HS6ST3: variants seen among roughly 807,000 people sequenced by gnomAD.
The protein encoded by HS6ST3 is heparan-sulfate 6-O-sulfotransferase 3.
Under a neutral mutation model 36.7 loss-of-function variants are expected in HS6ST3, and 12 were observed. The observed-to-expected ratio is 0.33, with a 90% CI of 0.21 to 0.53. The LOEUF (loss-of-function observed/expected upper bound fraction) is 0.53. HS6ST3 is among the 20% of genes least tolerant of loss of function. HS6ST3 has a pLI of 0.95. For synonymous variants in HS6ST3, 240 were observed against 257.5 expected (o/e 0.93, Z 0.65); for missense variants, 584 against 640.9 (o/e 0.91, Z 0.96).
intron 1 of HS6ST3, among the ~76,000 whole-genome samples, chr13:96,156,458 T>C (rs1231824716): frequency 6.6e-6 from 1 of 152,144 alleles, no homozygotes; most frequent in Non-Finnish European, 1.5e-5. Context: ...AAAGCATATG[T>C]TTAAGAAGAC....
At chr13:96,780,750 T>G (rs937414311) in intron 1 of HS6ST3, among the ~76,000 whole-genome samples, 12 of 152,082 alleles carry the variant, frequency 7.9e-5, no homozygotes, top group Admixed American at 2.0e-4. Flanking sequence ...TATATGTGTA[T>G]AGCAGGCAGA....
At chr13:96,485,502 A>G (rs999697974) in intron 1 of HS6ST3, among the ~76,000 whole-genome samples, 1 of 152,148 alleles carries the variant, frequency 6.6e-6, no homozygotes, top group Non-Finnish European at 1.5e-5. Context: ...TAGAATTTTC[A>G]TCATAGATAA....
chr13:96,222,013 A>C (rs1474919950), intron 1 of HS6ST3, among the ~76,000 whole-genome samples: 2 of 152,240 alleles, frequency 1.3e-5, no homozygotes, highest in Non-Finnish European at 2.9e-5. Context: ...GCTGAACTAT[A>C]AACTGTAGCA....
intron 1 of HS6ST3, among the ~76,000 whole-genome samples, chr13:96,635,600 A>G (rs879700886): frequency 1.3e-5 from 2 of 152,108 alleles, no homozygotes; most frequent in Non-Finnish European, 2.9e-5. Flanking sequence ...ATAACCTCCA[A>G]TCACATTGTA....
intron 1 of HS6ST3, among the ~76,000 whole-genome samples, chr13:96,304,927 T>A (rs1594748353): frequency 6.6e-6 from 1 of 151,768 alleles, no homozygotes; most frequent in Non-Finnish European, 1.5e-5. Context: ...GCCAGGCTGG[T>A]CTCGAACTTA....
intron 1 of HS6ST3, among the ~76,000 whole-genome samples, chr13:96,433,524 G>A (rs2055626512): frequency 6.6e-6 from 1 of 152,196 alleles, no homozygotes; most frequent in Admixed American, 6.5e-5. Flanking sequence ...CACTAAATGA[G>A]AGTTCTTCTG....
At chr13:96,488,247 C>T (rs1475232294) in intron 1 of HS6ST3, among the ~76,000 whole-genome samples, 1 of 152,044 alleles carries the variant, frequency 6.6e-6, no homozygotes, top group African/African-American at 2.4e-5. Flanking sequence ...TTTATATTTT[C>T]TCCTGTGTTC....
chr13:96,306,736 C>CT, intron 1 of HS6ST3, among the ~76,000 whole-genome samples: 1 of 152,222 alleles, frequency 6.6e-6, no homozygotes, highest in Admixed American at 6.5e-5. Flanking sequence ...TTGATAGCTT[C>CT]TTTTTGTGTT....
At chr13:96,212,969 T>C (rs1333946081) in intron 1 of HS6ST3, among the ~76,000 whole-genome samples, 1 of 152,226 alleles carries the variant, frequency 6.6e-6, no homozygotes, top group Non-Finnish European at 1.5e-5. Flanking sequence ...ATTTATTAAC[T>C]TGTAATGCTA....
intron 1 of HS6ST3, among the ~76,000 whole-genome samples, chr13:96,765,588 TTCTCTCTCTCTCTC>T (rs58979172): frequency 0.012 from 1,699 of 142,686 alleles, 32 homozygotes; most frequent in African/African-American, 0.036. Context: ...CTCTCTCTCT[TTCTCTCTCTCTCTC>T]TCTCTCTCTC....
intron 1 of HS6ST3, among the ~76,000 whole-genome samples, chr13:96,356,096 C>CATATG (rs1014203372): frequency 1.3e-5 from 2 of 152,136 alleles, no homozygotes; most frequent in Non-Finnish European, 2.9e-5. Context: ...GAACTCATTT[C>CATATG]ATATGATATG....
intron 1 of HS6ST3, among the ~76,000 whole-genome samples, chr13:96,380,856 G>GT (rs1372930069): frequency 6.6e-6 from 1 of 152,100 alleles, no homozygotes; most frequent in Non-Finnish European, 1.5e-5. Flanking sequence ...AAAGAAATGC[G>GT]TAAGACCTGA....
intron 1 of HS6ST3, among the ~76,000 whole-genome samples, chr13:96,114,346 C>T (rs1210814294): frequency 1.3e-5 from 2 of 152,028 alleles, no homozygotes; most frequent in African/African-American, 4.8e-5. Context: ...GATGGGATAT[C>T]GCTGTGTTGC....
intron 1 of HS6ST3, among the ~76,000 whole-genome samples, chr13:96,662,526 GTGT>G (rs775517340): frequency 1.5e-5 from 2 of 137,476 alleles, no homozygotes; most frequent in Non-Finnish European, 3.4e-5. Context: ...GTGTGTGTGT[GTGT>G]GTGTGTGTGT....
At chr13:96,152,361 G>A (rs1339524857) in intron 1 of HS6ST3, among the ~76,000 whole-genome samples, 2 of 56,906 alleles carry the variant, frequency 3.5e-5, no homozygotes, top group East Asian at 5.5e-4. Flanking sequence ...GTTTTGAGAC[G>A]GAGTCTCGCT....
chr13:96,383,756 G>A (rs1283498784), intron 1 of HS6ST3, among the ~76,000 whole-genome samples: 1 of 152,186 alleles, frequency 6.6e-6, no homozygotes, highest in Non-Finnish European at 1.5e-5. Flanking sequence ...TTTTCAAGTG[G>A]CCAAGAGAGG....
chr13:96,157,827 C>T (rs184833088), intron 1 of HS6ST3, among the ~76,000 whole-genome samples: 40 of 152,278 alleles, frequency 2.6e-4, no homozygotes, highest in Admixed American at 2.6e-3. Flanking sequence ...TCTATATAAA[C>T]CTTACCAGAC....
At chr13:96,633,754 G>T (rs776385964) in intron 1 of HS6ST3, among the ~76,000 whole-genome samples, 10 of 152,156 alleles carry the variant, frequency 6.6e-5, no homozygotes, top group Non-Finnish European at 1.3e-4. Flanking sequence ...TGAGAGTAAG[G>T]TGATGCAAGA....
intron 1 of HS6ST3, among the ~76,000 whole-genome samples, chr13:96,476,928 C>T (rs1336922179): frequency 6.6e-6 from 1 of 152,108 alleles, no homozygotes; most frequent in Non-Finnish European, 1.5e-5. Flanking sequence ...GAGTTGAAAT[C>T]AATTGTAAGG....
Sources: allele counts gnomAD v4.1 joint callset (sites outside exome capture counted in the v4.1 genomes callset), GRCh38; gene constraint gnomAD v4.1.1; transcripts MANE v1.5; gene names NCBI Gene and HGNC (gene_info 2026-07-23, HGNC 2026-07-21).